The following FBXW8 variants were observed in gnomAD, a reference collection of about 807,000 sequenced individuals.
FBXW8 encodes F-box/WD repeat-containing protein 8.
A neutral mutation model predicts 65.3 loss-of-function variants in FBXW8; 57 were observed. That is an observed-to-expected ratio of 0.87 (90% CI 0.71 to 1.09). The LOEUF is 1.09. FBXW8 is among the 50% of genes least tolerant of loss of function. FBXW8 has a pLI of 0.00. For synonymous variants in FBXW8, 308 were observed against 330.2 expected (o/e 0.93, Z 0.73); for missense variants, 777 against 814.8 (o/e 0.95, Z 0.57).
In FBXW8 at chr12:117,027,482, G is replaced by C. The variant is rs1331622908; in HGVS notation, c.1630G>C (p.Asp544His). The C allele has an allele frequency of 6.2e-7, 1 of 1,614,144 alleles. No homozygotes were observed. Among genetic ancestry groups the C allele is most frequent in the South Asian group, 1.1e-5 (1 of 91,084 alleles). Residue 544 changes from aspartate to histidine, a missense_variant, in exon 10 of 11, where the codon GAC becomes CAC. Asp to His is a moderately conservative substitution (Grantham distance 81). Transcript: ENST00000652555. ...YQTVMRNADL[D>H]SFTTHRRHRG... Reference sequence around the variant, plus strand: ...GACGGTAATGCGAAACGCCGACCTGGACAGCTTCACTACTCACAGGAGGTT... The same window carrying C: ...GACGGTAATGCGAAACGCCGACCTGCACAGCTTCACTACTCACAGGAGGTT...
chr12:116,913,360 A>G (rs946757018), intron 1 of FBXW8, among the ~76,000 whole-genome samples: 3 of 152,258 alleles, frequency 2.0e-5, no homozygotes, highest in African/African-American at 7.2e-5. Flanking sequence ...ACCTCCTTGC[A>G]GTCAAAAATC....
intron 1 of FBXW8, among the ~76,000 whole-genome samples, chr12:116,913,868 C>T (rs896743691): frequency 3.3e-5 from 5 of 152,176 alleles, no homozygotes; most frequent in African/African-American, 1.2e-4. Flanking sequence ...TCCCTGTCTT[C>T]CTGGAATTCA....
At position 116,910,985 on chromosome 12, in the gene FBXW8, C is replaced by A; in HGVS notation, c.-53C>A. ...CGGACACTTCCCTGGGCGGGACTGT[C>A]TCGTGGCACCCGGTGGAACCGAGGA... On this transcript the variant is annotated 5_prime_UTR_variant, in exon 1 of 11. Transcript: ENST00000652555. 7.5e-7 allele frequency: 1 copy of A among 1,340,850 alleles called. No homozygotes were observed. Among genetic ancestry groups the A allele is most frequent in the Non-Finnish European group, 9.5e-7 (1 of 1,050,248 alleles). The allele number at this position is 1,340,850 out of a possible 1,614,324, so 83.1% of individuals were successfully genotyped here. A position where few individuals can be genotyped will look rare whatever the true frequency, so the allele number is the denominator to read the frequency against.
At chr12:116,932,967 C>T (rs780581517) in intron 2 of FBXW8, among the ~76,000 whole-genome samples, 4 of 151,984 alleles carry the variant, frequency 2.6e-5, no homozygotes, top group East Asian at 1.9e-4. Flanking sequence ...TTTTTTGATG[C>T]GGAGTGTGTG....
intron 1 of FBXW8, among the ~76,000 whole-genome samples, chr12:116,921,602 A>C (rs1483892153): frequency 6.6e-6 from 1 of 151,742 alleles, no homozygotes; most frequent in Non-Finnish European, 1.5e-5. Flanking sequence ...TGCTAACAGC[A>C]CCTCCCTCCC....
chr12:117,009,182 G>A (rs1372684532), intron 7 of FBXW8, among the ~76,000 whole-genome samples: 1 of 152,154 alleles, frequency 6.6e-6, no homozygotes, highest in Non-Finnish European at 1.5e-5. Context: ...GACCCGGCTG[G>A]GCAACATAGT....
At chr12:116,920,479 A>G (rs1179416589) in intron 1 of FBXW8, among the ~76,000 whole-genome samples, 1 of 152,244 alleles carries the variant, frequency 6.6e-6, no homozygotes, top group African/African-American at 2.4e-5. Context: ...ACAATGGACA[A>G]ATAATTGTCA....
Position 117,027,633 on chromosome 12 carries a change from A to G in FBXW8, c.1652+129A>G. On this transcript the variant is annotated intron_variant, in intron 10 of 10. Coordinates refer to ENST00000652555, the MANE Select transcript of FBXW8 (RefSeq NM_153348.3). ...CAGGCAGGGCCCTGCCTTTCTGCGA[A>G]TTGGAAACATAAACGTGGATGCTGA... is the stretch of plus-strand genomic sequence containing the variant. 3 of 750,154 alleles carry G rather than the reference A, an allele frequency of 4.0e-6. No individual in the cohort carries two copies. The South Asian group carries it at 4.8e-5, about 12-fold the overall frequency. The allele number at this position is 750,154 out of a possible 1,614,324, so 46.5% of individuals were successfully genotyped here.
Position 116,911,268 on chromosome 12 carries a change from G to A in FBXW8, c.231G>A (p.Gln77=), listed in dbSNP as rs1879906345. 8.0e-7 allele frequency: 1 copy of A among 1,256,660 alleles called. No homozygotes were observed. The highest frequency in any genetic ancestry group is 1.0e-6 in the Non-Finnish European group (1 of 1,003,900). 77.8% of individuals were successfully genotyped at this position (1,256,660 alleles called of 1,614,324 possible). ...PAARATRAEG[Q]DVASRSRSPL... ...CGCGGGCGACTCGGGCCGAGGGGCA[G>A]GACGTAGCGAGCCGCTCACGTTCTC... Residue 77 remains glutamine (Q), a synonymous_variant, in exon 1 of 11, where the codon CAG becomes CAA. Coordinates refer to ENST00000652555, the MANE Select transcript of FBXW8 (RefSeq NM_153348.3).
rs4767484 is a variant in FBXW8 at position 116,968,196 on chromosome 12, G to A, written c.835+3342G>A. Among the ~76,000 whole-genome samples, 2 of 152,170 alleles carry A rather than the reference G, an allele frequency of 1.3e-5. 1 individual carries two copies. The highest frequency in any genetic ancestry group is 1.3e-4 in the Admixed American group (2 of 15,290). On this transcript the variant is annotated intron_variant, in intron 5 of 10. Transcript: ENST00000652555. ...AATGTTTTTGATTACTACATTTTTA[G>A]GGTTCAAAGATCAAAATAATATAAA... is the stretch of plus-strand genomic sequence containing the variant.
Position 117,030,708 on chromosome 12 carries a change from TGCCATTCGTGGAAGTC to T in FBXW8, c.*2540_*2555del, listed in dbSNP as rs1409461426. 7.2e-5 allele frequency: 11 copies of T among 152,180 alleles called. No individual in the cohort carries two copies. Among genetic ancestry groups the T allele is most frequent in the Non-Finnish European group, 1.6e-4 (11 of 68,030 alleles). The allele number at this position is 152,180 out of a possible 1,614,324, so 9.4% of individuals were successfully genotyped here. On this transcript the variant is annotated 3_prime_UTR_variant, in exon 11 of 11. Transcript: ENST00000652555. ...CCGCAGAGCCTGTTTCTAACGTACC[TGCCATTCGTGGAAGTC>T]GCCTGGGTTTTGTAAAGGAGAATTT...
chr12:117,020,780 C>T (rs754036255), intron 8 of FBXW8, among the ~76,000 whole-genome samples: 40 of 152,226 alleles, frequency 2.6e-4, no homozygotes, highest in Admixed American at 1.6e-3. Context: ...GCAGCTCACC[C>T]TCTCCTGTCT....
At chr12:116,985,459 G>A (rs7131746) in intron 6 of FBXW8, 57 bp downstream of exon 6, 1,285,894 of 1,555,326 alleles carry the variant, frequency 0.83, 541,342 homozygotes, top group Admixed American at 0.86. Flanking sequence ...TGGGTCTAAT[G>A]TAAGCACGTA....
intron 4 of FBXW8, among the ~76,000 whole-genome samples, chr12:116,960,085 C>T (rs1054499646): frequency 4.6e-5 from 7 of 152,198 alleles, no homozygotes; most frequent in African/African-American, 1.4e-4. Flanking sequence ...CATTAGGCAG[C>T]GATAAAGACA....
intron 2 of FBXW8, among the ~76,000 whole-genome samples, chr12:116,939,906 CAGAT>C (rs1206924056): frequency 1.3e-5 from 2 of 152,328 alleles, no homozygotes; most frequent in East Asian, 1.9e-4. Flanking sequence ...CTGGCACAGA[CAGAT>C]AGACAGACAG....
At chr12:116,993,580 G>A (rs1953305313) in intron 7 of FBXW8, among the ~76,000 whole-genome samples, 1 of 151,906 alleles carries the variant, frequency 6.6e-6, no homozygotes, top group African/African-American at 2.4e-5. Context: ...CTTTTTAATG[G>A]GATTATTTGT....
At chr12:117,015,317 T>C (rs1175389025) in intron 8 of FBXW8, among the ~76,000 whole-genome samples, 1 of 152,080 alleles carries the variant, frequency 6.6e-6, no homozygotes, top group East Asian at 1.9e-4. Context: ...GGTGTTTGTT[T>C]TTGTGTTTTG....
chr12:116,913,213 TC>T (rs1880137003), intron 1 of FBXW8, among the ~76,000 whole-genome samples: 1 of 152,242 alleles, frequency 6.6e-6, no homozygotes, highest in Non-Finnish European at 1.5e-5. Context: ...CTGTATAGCC[TC>T]CTTTGGTTTA....
At chr12:116,988,025 G>A (rs1489115712) in intron 6 of FBXW8, among the ~76,000 whole-genome samples, 1 of 152,134 alleles carries the variant, frequency 6.6e-6, no homozygotes, top group African/African-American at 2.4e-5. Flanking sequence ...TATAAAGAAC[G>A]TTTTCATGCT....
Sources: allele counts gnomAD v4.1 joint callset (sites outside exome capture counted in the v4.1 genomes callset), GRCh38; gene constraint gnomAD v4.1.1; transcripts MANE v1.5; gene names NCBI Gene and HGNC (gene_info 2026-07-23, HGNC 2026-07-21).